MZT2A: variants seen among roughly 807,000 people sequenced by gnomAD.
MZT2A encodes the protein mitotic spindle organizing protein 2A, also known as mitotic-spindle organizing protein 2A.
A neutral mutation model predicts 12.4 loss-of-function variants in MZT2A; 8 were observed. That is an observed-to-expected ratio of 0.64 (90% CI 0.38 to 1.16). The LOEUF (loss-of-function observed/expected upper bound fraction) is 1.16, where lower values mean the gene tolerates loss of function less well. MZT2A is among the 50% of genes most tolerant of loss of function. The pLI, the probability that MZT2A is intolerant of heterozygous loss-of-function variation, is 0.01. For synonymous variants in MZT2A, 88 were observed against 107.5 expected (o/e 0.82, Z 1.12); for missense variants, 181 against 223.6 (o/e 0.81, Z 1.22).
rs1008067041 is a variant in MZT2A at position 131,484,176 on chromosome 2, A to G, written c.362T>C (p.Leu121Pro). 1 of 1,614,076 alleles carries G rather than the reference A, an allele frequency of 6.2e-7. No homozygotes were observed. The change falls in exon 3 of 3, where the codon CTG becomes CCG. Residue 121 changes from leucine to proline, a missense_variant. Physicochemically the swap from Leu to Pro is moderately conservative, Grantham distance 98. This residue lies in a region of MZT2A where 72 missense variants were observed against 76.9 expected (regional missense o/e 0.94). Coordinates refer to ENST00000309451, the MANE Select transcript of MZT2A (RefSeq NM_001085365.2). ...TCCCTCGTGGTTGCTGCGTTCCGCC[A>G]GGGCCAATACTCCCCCGAGGGCAGC... ...GSAALGGVLALAERSNHEGSS... is the reference protein window; with the variant it reads ...GSAALGGVLAPAERSNHEGSS...
At chr2:131,482,389 A>G (rs185558792), downstream of MZT2A, among the ~76,000 whole-genome samples, 269 of 152,306 alleles carry the variant, frequency 1.8e-3, no homozygotes, top group African/African-American at 6.3e-3. Context: ...CTCATCTGGA[A>G]CTATCACCCT....
chr2:131,492,735 G>T, upstream of MZT2A: 1 of 1,251,828 alleles, frequency 8.0e-7, no homozygotes. Context: ...TCAAGAAAGC[G>T]TGCAATTTTC....
intron 3 of MZT2A, among the ~76,000 whole-genome samples, chr2:131,471,711 A>G (rs1002301268): frequency 3.3e-5 from 5 of 150,932 alleles, no homozygotes; most frequent in African/African-American, 1.2e-4. Context: ...CAGATAACAC[A>G]GTGCCCTCTG....
downstream of MZT2A, chr2:131,482,427 G>A (rs180821354): frequency 1.8e-3 from 2,615 of 1,413,800 alleles, 50 homozygotes; most frequent in Non-Finnish European, 3.5e-4. Context: ...GCTTAGTGAC[G>A]TTTGTGAGGT....
At chr2:131,479,310 G>A (rs1284864122), downstream of MZT2A, 2 of 1,613,876 alleles carry the variant, frequency 1.2e-6, no homozygotes, top group Non-Finnish European at 1.7e-6. Flanking sequence ...TTTTGCAGAT[G>A]AAGTGCGCAC....
chr2:131,487,483 A>C (rs1679097741), intron 2 of MZT2A, among the ~76,000 whole-genome samples: 1 of 152,238 alleles, frequency 6.6e-6, no homozygotes, highest in South Asian at 2.1e-4. Flanking sequence ...CTCAAAAATA[A>C]ATAAATAAAT....
At chr2:131,492,954 T>TGGCCGGCC, upstream of MZT2A, 3 of 1,522,930 alleles carry the variant, frequency 2.0e-6, no homozygotes, top group South Asian at 1.2e-5. Flanking sequence ...TTCCCCTCCC[T>TGGCCGGCC]GGCCGGCCGG....
chr2:131,480,479 C>G (rs780098794), downstream of MZT2A: 2 of 1,588,886 alleles, frequency 1.3e-6, no homozygotes, highest in Non-Finnish European at 1.7e-6. Flanking sequence ...TAGTGCCGTA[C>G]CCCCGCATCC....
chr2:131,484,000 C>G lies in MZT2A; in HGVS notation c.*61G>C. ...GCATCTCAGAAAGGTTTATTATCAA[C>G]TGAAGGAGGTAACATGTAGCCTTTG... On this transcript the variant is annotated 3_prime_UTR_variant, in exon 3 of 3. Transcript: ENST00000309451. 1 of 1,543,696 alleles carries G rather than the reference C, an allele frequency of 6.5e-7. No individual in the cohort carries two copies. The highest frequency in any genetic ancestry group is 8.8e-7 in the Non-Finnish European group (1 of 1,141,992).
At chr2:131,491,147 T>A (rs1483955693) in intron 2 of MZT2A, 1 of 582,732 alleles carries the variant, frequency 1.7e-6, no homozygotes, top group Non-Finnish European at 3.1e-6. Flanking sequence ...GAGAGAGCCA[T>A]CGGGAGCAGA....
At chr2:131,489,804 C>T in intron 2 of MZT2A, 1 of 911,842 alleles carries the variant, frequency 1.1e-6, no homozygotes, top group Non-Finnish European at 1.3e-6. Context: ...TGAGCCAGCA[C>T]ACTGGTCTCA....
intron 2 of MZT2A, among the ~76,000 whole-genome samples, chr2:131,485,225 G>A (rs557938683): frequency 4.3e-4 from 66 of 152,238 alleles, no homozygotes; most frequent in African/African-American, 1.5e-3. Flanking sequence ...CATCCCCCCA[G>A]CATTTCCTTT....
At chr2:131,476,152 C>T in intron 2 of MZT2A, 8 of 1,613,200 alleles carry the variant, frequency 5.0e-6, no homozygotes, top group Non-Finnish European at 6.8e-6. Context: ...GCTGTGGCAG[C>T]CGGTTGAGGT....
intron 2 of MZT2A, among the ~76,000 whole-genome samples, chr2:131,488,461 G>C (rs1052639385): frequency 3.9e-5 from 6 of 152,148 alleles, no homozygotes; most frequent in African/African-American, 1.4e-4. Context: ...GCAAGCTCGA[G>C]AGGGCCTGGC....
upstream of MZT2A, chr2:131,493,221 C>T (rs1187923007): frequency 2.9e-5 from 40 of 1,365,286 alleles, no homozygotes; most frequent in Non-Finnish European, 3.6e-5. Context: ...CATCTCCGTT[C>T]CTCCGCGAGC....
intron 3 of MZT2A, among the ~76,000 whole-genome samples, chr2:131,471,634 C>G (rs1450847420): frequency 1.3e-5 from 2 of 151,184 alleles, no homozygotes; most frequent in African/African-American, 4.9e-5. Context: ...GATGCCCCTT[C>G]TAAGAGCAGG....
chr2:131,482,591 G>A, downstream of MZT2A: 2 of 1,613,380 alleles, frequency 1.2e-6, no homozygotes, highest in African/African-American at 1.3e-5. Context: ...GGTCCCCGGG[G>A]GAGACCTGGC....
chr2:131,484,125 G>A lies in MZT2A; in HGVS notation c.413C>T (p.Pro138Leu). The A allele has an allele frequency of 6.2e-7, 1 of 1,614,080 alleles. No individual in the cohort carries two copies. Among genetic ancestry groups the A allele is most frequent in the Non-Finnish European group, 8.5e-7 (1 of 1,179,998 alleles). The change falls in exon 3 of 3, where the codon CCC becomes CTC. Residue 138 changes from proline to leucine, a missense_variant. Transcript: ENST00000309451. Reference sequence around the variant, plus strand: ...CCCCTTGGGCAGCCTGGTAGCGCTGGGCTGGCGTGGCATCCTCTGGCTGGA... The same window carrying A: ...CCCCTTGGGCAGCCTGGTAGCGCTGAGCTGGCGTGGCATCCTCTGGCTGGA... ...EGSSQRMPRQ[P>L]SATRLPKGGG...
At chr2:131,490,298 A>C in intron 2 of MZT2A, 1 of 1,016,614 alleles carries the variant, frequency 9.8e-7, no homozygotes, top group Non-Finnish European at 1.2e-6. Flanking sequence ...GACTCTGGGA[A>C]GGTGGGAGTC....
Sources: gnomAD v4.1 joint callset for allele counts (sites outside exome capture counted in the v4.1 genomes callset) on GRCh38, gnomAD v4.1.1 for gene constraint, gnomAD v4.1.1 regional missense constraint, MANE v1.5 for transcripts, NCBI Gene and HGNC (gene_info 2026-07-23, HGNC 2026-07-21) for gene names.